MTUS2: variants seen among roughly 807,000 people sequenced by gnomAD.
The protein encoded by MTUS2 is microtubule-associated tumor suppressor candidate 2.
A neutral mutation model predicts 114.1 loss-of-function variants in MTUS2; 40 were observed. The observed-to-expected ratio is 0.35, with a 90% CI of 0.27 to 0.46. MTUS2 has a LOEUF of 0.46. Among genes scored for constraint, MTUS2 ranks in the 20% least tolerant of loss-of-function variants. The probability of loss-of-function intolerance (pLI) is 1.00; values close to 1 mark genes in which losing one functional copy is unlikely to be tolerated. For missense variants in MTUS2, 1,679 were observed against 1,705.4 expected (o/e 0.98, Z 0.27); for synonymous variants, 688 against 672.0 (o/e 1.02, Z -0.37).
chr13:29,383,252 G>T (rs73170749), intron 8 of MTUS2, among the ~76,000 whole-genome samples: 33,493 of 134,236 alleles, frequency 0.25, 5,618 homozygotes, highest in African/African-American at 0.47. Context: ...GTGTGTGTGT[G>T]TATTTATTTT....
intron 6 of MTUS2, among the ~76,000 whole-genome samples, chr13:29,322,727 A>G (rs1228960537): frequency 1.3e-5 from 2 of 152,190 alleles, no homozygotes; most frequent in African/African-American, 2.4e-5. Context: ...TGGATGAGCC[A>G]TGCTTAAGGG....
chr13:29,168,748 T>C (rs1169699814), intron 5 of MTUS2, among the ~76,000 whole-genome samples: 2 of 152,274 alleles, frequency 1.3e-5, no homozygotes, highest in African/African-American at 4.8e-5. Flanking sequence ...CCGAAGCCCT[T>C]AGTACCAGTA....
intron 7 of MTUS2, among the ~76,000 whole-genome samples, chr13:29,331,607 T>C (rs1900783640): frequency 6.6e-6 from 1 of 151,888 alleles, no homozygotes; most frequent in Non-Finnish European, 1.5e-5. Flanking sequence ...TGAATAGGAG[T>C]GGTGAGAGAG....
At chr13:29,228,431 C>T (rs1896196489) in intron 5 of MTUS2, among the ~76,000 whole-genome samples, 1 of 152,158 alleles carries the variant, frequency 6.6e-6, no homozygotes, top group African/African-American at 2.4e-5. Context: ...AGTGTGCCTC[C>T]CATCTCAGCT....
chr13:29,117,423 C>A (rs1030023326), intron 5 of MTUS2, among the ~76,000 whole-genome samples: 6 of 152,184 alleles, frequency 3.9e-5, no homozygotes, highest in African/African-American at 1.4e-4. Context: ...CTTTTAGTGG[C>A]TTCCATGCTC....
At chr13:29,304,119 C>T (rs1899330067) in intron 6 of MTUS2, among the ~76,000 whole-genome samples, 1 of 152,114 alleles carries the variant, frequency 6.6e-6, no homozygotes. Flanking sequence ...GCCTGCCTTG[C>T]AAGAGCTCCC....
chr13:29,017,098 T>C (rs1455229549), intron 2 of MTUS2, among the ~76,000 whole-genome samples: 2 of 152,250 alleles, frequency 1.3e-5, no homozygotes, highest in Non-Finnish European at 2.9e-5. Flanking sequence ...CATTGACTTG[T>C]ACATAAATAT....
intron 4 of MTUS2, among the ~76,000 whole-genome samples, chr13:29,038,896 C>T (rs984553885): frequency 3.9e-5 from 6 of 152,224 alleles, no homozygotes; most frequent in South Asian, 2.1e-4. Context: ...TCACCAAGCT[C>T]GACCACCAGG....
chr13:29,340,798 A>G (rs1643088286), intron 7 of MTUS2, among the ~76,000 whole-genome samples: 1 of 152,070 alleles, frequency 6.6e-6, no homozygotes, highest in Admixed American at 6.5e-5. Flanking sequence ...TCCCTCACTC[A>G]CTTCCCACTC....
At chr13:28,981,076 A>C (rs112818077) in intron 2 of MTUS2, among the ~76,000 whole-genome samples, 22 of 152,362 alleles carry the variant, frequency 1.4e-4, no homozygotes, top group East Asian at 7.7e-4. Context: ...TCCTTTAATG[A>C]GGCCAGCCTT....
intron 5 of MTUS2, among the ~76,000 whole-genome samples, chr13:29,148,903 G>A (rs9506113): frequency 0.39 from 58,931 of 152,028 alleles, 13,615 homozygotes; most frequent in Non-Finnish European, 0.48. Context: ...TGGTGTATAT[G>A]TACCACATTT....
At chr13:29,164,670 G>C (rs934761755) in intron 5 of MTUS2, among the ~76,000 whole-genome samples, 1 of 152,128 alleles carries the variant, frequency 6.6e-6, no homozygotes, top group Non-Finnish European at 1.5e-5. Flanking sequence ...AATGACTGAA[G>C]ATAAGATCCT....
rs563660862 is a variant in MTUS2, at chr13:29,088,201, CTTTT to C, written c.2447-12569_2447-12566del. ...TGTTTGTTTTCATTAGTTTCAAAGA[CTTTT>C]TTATTTGTGCTTTAATTTTTATTTT... On this transcript the variant is annotated intron_variant, in intron 4 of 15. Transcript: ENST00000612955. Among the ~76,000 whole-genome samples the C allele has an allele frequency of 8.4e-3, 1,274 of 152,088 alleles. 10 individuals are homozygous for C. The highest frequency in any genetic ancestry group is 0.024 in the South Asian group (115 of 4,814).
chr13:29,350,981 A>ATATATATATC (rs1566147450), intron 7 of MTUS2, among the ~76,000 whole-genome samples: 2 of 115,128 alleles, frequency 1.7e-5, no homozygotes, highest in African/African-American at 5.9e-5. Flanking sequence ...ATATATATAT[A>ATATATATATC]TATCTTCAGA....
intron 6 of MTUS2, among the ~76,000 whole-genome samples, chr13:29,297,291 G>T (rs1279260919): frequency 6.6e-6 from 1 of 152,034 alleles, no homozygotes; most frequent in Non-Finnish European, 1.5e-5. Context: ...TAGATACCAG[G>T]CATATAAATA....
intron 2 of MTUS2, among the ~76,000 whole-genome samples, chr13:28,883,987 C>T (rs1256186379): frequency 6.6e-6 from 1 of 152,024 alleles, no homozygotes; most frequent in Non-Finnish European, 1.5e-5. Flanking sequence ...TATGATGTTT[C>T]CTCAAAAATT....
intron 9 of MTUS2, among the ~76,000 whole-genome samples, chr13:29,445,574 C>T (rs1248667298): frequency 1.3e-5 from 2 of 152,152 alleles, no homozygotes; most frequent in Non-Finnish European, 2.9e-5. Flanking sequence ...ACTTGGTATA[C>T]TCACCAACCC....
In MTUS2 at chr13:28,934,870, G is replaced by T. The variant is rs190832397; in HGVS notation, c.-242-89587G>T. ...ACATATCTTACATGTATAACCCAAT[G>T]AAATTGACACACATACAATACTGTG... On this transcript the variant is annotated intron_variant, in intron 2 of 15. Transcript: ENST00000612955. Among the ~76,000 whole-genome samples the T allele has an allele frequency of 2.5e-3, 374 of 152,202 alleles. 2 individuals carry two copies. Among genetic ancestry groups the T allele is most frequent in the Admixed American group, 4.9e-3 (75 of 15,288 alleles).
At chr13:29,403,164 A>G (rs1320697212) in intron 8 of MTUS2, among the ~76,000 whole-genome samples, 1 of 152,200 alleles carries the variant, frequency 6.6e-6, no homozygotes, top group Non-Finnish European at 1.5e-5. Flanking sequence ...TAAGTATAGT[A>G]TCTTCCCTTT....
Sources: gnomAD v4.1 joint callset for allele counts (sites outside exome capture counted in the v4.1 genomes callset) on GRCh38, gnomAD v4.1.1 for gene constraint, MANE v1.5 for transcripts, NCBI Gene and HGNC (gene_info 2026-07-23, HGNC 2026-07-21) for gene names.